Variants in WWTR1 observed in about 807,000 individuals in gnomAD.
WWTR1 encodes the protein WW domain containing transcription regulator 1.
WWTR1 carries 13 observed loss-of-function variants against 40.1 expected under a neutral mutation model. The ratio of observed to expected loss-of-function variants is 0.32; its 90% CI spans 0.21 to 0.52. The LOEUF (loss-of-function observed/expected upper bound fraction) is 0.52, where lower values mean the gene tolerates loss of function less well. WWTR1 is among the 20% of genes least tolerant of loss of function. WWTR1 has a pLI of 0.97. For synonymous variants in WWTR1, 230 were observed against 210.1 expected (o/e 1.09, Z -0.82); for missense variants, 436 against 523.1 (o/e 0.83, Z 1.63).
At chr3:149,716,801 A>G (rs1715615989) in intron 5 of WWTR1, among the ~76,000 whole-genome samples, 1 of 152,168 alleles carries the variant, frequency 6.6e-6, no homozygotes, top group South Asian at 2.1e-4. Flanking sequence ...AGAATTAACA[A>G]GTTTAGAAAA....
intron 6 of WWTR1, among the ~76,000 whole-genome samples, chr3:149,524,900 T>A (rs1224346663): frequency 6.6e-6 from 1 of 152,248 alleles, no homozygotes; most frequent in Non-Finnish European, 1.5e-5. Flanking sequence ...GGAACTTTCA[T>A]GAATAACTCC....
chr3:149,673,165 C>T (rs1028188801), intron 1 of WWTR1, among the ~76,000 whole-genome samples: 7 of 151,908 alleles, frequency 4.6e-5, no homozygotes, highest in South Asian at 2.1e-4. Context: ...TACTTGAGCC[C>T]AGGAGTTTGA....
At chr3:149,688,513 A>G (rs1714721991) in intron 1 of WWTR1, among the ~76,000 whole-genome samples, 1 of 152,228 alleles carries the variant, frequency 6.6e-6, no homozygotes, top group Admixed American at 6.5e-5. Context: ...CCCAGTTCTT[A>G]TCTAAGACTA....
upstream of WWTR1, chr3:149,703,373 C>T (rs1008354095): frequency 5.3e-5 from 8 of 152,142 alleles, no homozygotes; most frequent in Non-Finnish European, 2.9e-5. Context: ...AGGGTTTTGC[C>T]AACAAACAGA....
intron 2 of WWTR1, among the ~76,000 whole-genome samples, chr3:149,608,209 A>G (rs943129888): frequency 3.9e-5 from 6 of 152,104 alleles, no homozygotes; most frequent in South Asian, 4.1e-4. Flanking sequence ...TAACTTCAAG[A>G]AAGACTGCAC....
chr3:149,580,961 C>T (rs770461845), intron 2 of WWTR1, among the ~76,000 whole-genome samples: 4 of 152,180 alleles, frequency 2.6e-5, no homozygotes, highest in South Asian at 2.1e-4. Flanking sequence ...CTCTGCTTAA[C>T]GTTATCAGTC....
At position 149,566,473 on chromosome 3, in the gene WWTR1, A is replaced by G. The variant is rs563689166; in HGVS notation, c.568+6391T>C. On this transcript the variant is annotated intron_variant, in intron 3 of 6. Coordinates refer to ENST00000360632, the MANE Select transcript of WWTR1 (RefSeq NM_015472.6). ...GGCTAATCTATGCTGCATAAACCACAAAGTTCCAAAAGCAGTGAGAACATC... is the reference window on the plus strand; with the variant it reads ...GGCTAATCTATGCTGCATAAACCACGAAGTTCCAAAAGCAGTGAGAACATC... Among the ~76,000 whole-genome samples, 345 of 152,308 alleles carry G rather than the reference A, an allele frequency of 2.3e-3. 2 individuals are homozygous for G. Among genetic ancestry groups the G allele is most frequent in the Non-Finnish European group, 2.6e-3 (177 of 68,030 alleles).
At chr3:149,531,926 G>A (rs1025092861) in intron 4 of WWTR1, among the ~76,000 whole-genome samples, 3 of 152,130 alleles carry the variant, frequency 2.0e-5, no homozygotes, top group Admixed American at 1.3e-4. Flanking sequence ...AAATATGAGA[G>A]AAATAATAGC....
chr3:149,657,066 C>A lies in WWTR1; in HGVS notation c.241G>T (p.Gly81Cys). 1.3e-6 allele frequency: 2 copies of A among 1,571,050 alleles called. No homozygotes were observed. Among genetic ancestry groups the A allele is most frequent in the Non-Finnish European group, 1.7e-6 (2 of 1,162,540 alleles). Residue 81 changes from glycine to cysteine, a missense_variant, in exon 2 of 7, where the codon GGT becomes TGT. Coordinates refer to ENST00000360632, the MANE Select transcript of WWTR1 (RefSeq NM_015472.6). ...GAGTGCGAGCGGACATGCTGGGCAC[C>A]CCCAGCCAGTCGAGGCCCCGGGTGG... ...GGHPGPRLAG[G>C]AQHVRSHSSP...
At chr3:149,600,818 A>C (rs1281976661) in intron 2 of WWTR1, among the ~76,000 whole-genome samples, 2 of 152,060 alleles carry the variant, frequency 1.3e-5, no homozygotes, top group Non-Finnish European at 2.9e-5. Flanking sequence ...TGGAATGCTC[A>C]CTCTTGGAAC....
At chr3:149,603,196 A>G (rs567469061) in intron 2 of WWTR1, among the ~76,000 whole-genome samples, 1 of 151,962 alleles carries the variant, frequency 6.6e-6, no homozygotes, top group African/African-American at 2.4e-5. Context: ...CCTCACTACC[A>G]CTCTCTGGCT....
chr3:149,547,282 T>C (rs1414382467), intron 3 of WWTR1, among the ~76,000 whole-genome samples: 1 of 148,926 alleles, frequency 6.7e-6, no homozygotes, highest in Non-Finnish European at 1.5e-5. Context: ...CCCAGCACTT[T>C]GGGAGGTCGA....
At chr3:149,699,371 G>A (rs908956263) in intron 1 of WWTR1, among the ~76,000 whole-genome samples, 3 of 148,512 alleles carry the variant, frequency 2.0e-5, no homozygotes, top group African/African-American at 7.5e-5. Context: ...TTGGTTCACC[G>A]CAACCTCTGC....
intron 1 of WWTR1, among the ~76,000 whole-genome samples, chr3:149,672,774 GT>G (rs1299286514): frequency 6.9e-6 from 1 of 145,284 alleles, no homozygotes. Flanking sequence ...AATGGAAGAA[GT>G]TTTTTCCTTT....
rs1344627102 is a variant in WWTR1 at position 149,622,439 on chromosome 3, C to CAGAA, written c.431+34433_431+34436dup. On this transcript the variant is annotated intron_variant, in intron 2 of 6. Transcript: ENST00000360632. ...TACTTACAACCAAACCATATTTTCC[C>CAGAA]AGAAAGAAAGAAAGGAAGGAAGGAA... 9.7e-5 allele frequency among the ~76,000 whole-genome samples: 11 copies of CAGAA among 113,310 alleles called. No homozygotes were observed. In the East Asian group the frequency reaches 1.6e-3, roughly 17 times the overall value. 74.3% of individuals were successfully genotyped at this position (113,310 alleles called of 152,430 possible).
intron 4 of WWTR1, among the ~76,000 whole-genome samples, chr3:149,531,798 C>T (rs1271413332): frequency 2.6e-5 from 4 of 152,110 alleles, no homozygotes; most frequent in Non-Finnish European, 5.9e-5. Flanking sequence ...GTAAGCTCCA[C>T]GAGGGAAGGG....
At chr3:149,568,532 A>AC (rs1737450225) in intron 3 of WWTR1, among the ~76,000 whole-genome samples, 1 of 130,048 alleles carries the variant, frequency 7.7e-6, no homozygotes, top group Admixed American at 7.4e-5. Flanking sequence ...GCAAAAAAAA[A>AC]AAAAAAAAAA....
chr3:149,642,415 T>TCA (rs146950880), intron 2 of WWTR1, among the ~76,000 whole-genome samples: 6,785 of 145,740 alleles, frequency 0.047, 163 homozygotes, highest in African/African-American at 0.07. Flanking sequence ...CAAAACTCTG[T>TCA]CACACACACA....
At chr3:149,553,182 C>T (rs184640699) in intron 3 of WWTR1, among the ~76,000 whole-genome samples, 25 of 152,194 alleles carry the variant, frequency 1.6e-4, no homozygotes, top group Non-Finnish European at 3.4e-4. Flanking sequence ...GAACAGGCTG[C>T]GACAAACCTA....
Sources: gnomAD v4.1 joint callset for allele counts (sites outside exome capture counted in the v4.1 genomes callset) on GRCh38, gnomAD v4.1.1 for gene constraint, MANE v1.5 for transcripts, NCBI Gene and HGNC (gene_info 2026-07-23, HGNC 2026-07-21) for gene names.